PDE7B: variants seen among roughly 807,000 people sequenced by gnomAD.
PDE7B encodes phosphodiesterase 7B.
Under a neutral mutation model 56.2 loss-of-function variants are expected in PDE7B, and 29 were observed. That is an observed-to-expected ratio of 0.52 (90% confidence interval 0.38 to 0.70). The LOEUF (loss-of-function observed/expected upper bound fraction) is 0.70. Ranked by LOEUF, PDE7B falls within the 30% of genes least tolerant of loss-of-function variation. The pLI, the probability that PDE7B is intolerant of heterozygous loss-of-function variation, is 0.00. For missense variants in PDE7B, 490 were observed against 565.0 expected (o/e 0.87, Z 1.35); for synonymous variants, 197 against 196.9 (o/e 1.00, Z 0.00).
Position 136,192,313 on chromosome 6 carries a change from G to A in PDE7B, c.*473G>A, listed in dbSNP as rs1162858284. On this transcript the variant is annotated 3_prime_UTR_variant, in exon 13 of 13. Coordinates refer to ENST00000308191, the MANE Select transcript of PDE7B (RefSeq NM_018945.4). ...AGCACAAATGAGAGTGTGAGAGAAA[G>A]TACCTTCTATTTTAATAATAATATT... 6.6e-6 allele frequency: 1 copy of A among 152,454 alleles called. No individual in the cohort carries two copies. The highest frequency in any genetic ancestry group is 1.9e-4 in the East Asian group (1 of 5,194). 9.4% of individuals were successfully genotyped at this position (152,454 alleles called of 1,614,324 possible).
At chr6:136,138,425 T>TA (rs1474045809) in intron 3 of PDE7B, among the ~76,000 whole-genome samples, 6 of 152,142 alleles carry the variant, frequency 3.9e-5, no homozygotes, top group African/African-American at 1.4e-4. Context: ...CTTCAGCTTC[T>TA]TATATCTTCG....
chr6:135,973,391 T>C (rs1007904614), intron 2 of PDE7B, among the ~76,000 whole-genome samples: 1 of 151,164 alleles, frequency 6.6e-6, no homozygotes, highest in Admixed American at 6.6e-5. Flanking sequence ...GGATCTTAGG[T>C]TGTTTCCATA....
At chr6:135,935,629 G>T (rs897681070) in intron 1 of PDE7B, among the ~76,000 whole-genome samples, 1 of 152,174 alleles carries the variant, frequency 6.6e-6, no homozygotes, top group Non-Finnish European at 1.5e-5. Context: ...CCTTCAGGAA[G>T]TGAGGGAGAA....
At chr6:136,061,406 A>G (rs1048864377) in intron 2 of PDE7B, among the ~76,000 whole-genome samples, 1 of 152,246 alleles carries the variant, frequency 6.6e-6, no homozygotes, top group African/African-American at 2.4e-5. Flanking sequence ...GAATCAAAGA[A>G]ATTTGGCACA....
intron 1 of PDE7B, among the ~76,000 whole-genome samples, chr6:135,915,515 G>A (rs1018625904): frequency 6.6e-6 from 1 of 152,118 alleles, no homozygotes; most frequent in South Asian, 2.1e-4. Context: ...CTCATTGTGG[G>A]TTTAATTTGC....
chr6:136,193,889 G>A lies in PDE7B; in HGVS notation c.*2049G>A, dbSNP rs1779270039. ...TATCAGATGGTGCTAAAGAAAGTGT[G>A]AAGATCTTATGAAATAGGTGGATGG... On this transcript the variant is annotated 3_prime_UTR_variant, in exon 13 of 13. Transcript: ENST00000308191. 1 of 152,204 alleles carries A rather than the reference G, an allele frequency of 6.6e-6. No individual in the cohort carries two copies. The highest frequency in any genetic ancestry group is 2.1e-4 in the South Asian group (1 of 4,830). The allele number at this position is 152,204 out of a possible 1,614,324, so 9.4% of individuals were successfully genotyped here.
At chr6:136,000,461 T>G (rs1775645674) in intron 2 of PDE7B, among the ~76,000 whole-genome samples, 1 of 152,250 alleles carries the variant, frequency 6.6e-6, no homozygotes, top group African/African-American at 2.4e-5. Flanking sequence ...TTTAATCTTC[T>G]GCACATGGCT....
chr6:136,153,315 T>C (rs1340651420), intron 6 of PDE7B, among the ~76,000 whole-genome samples: 1 of 152,222 alleles, frequency 6.6e-6, no homozygotes, highest in Non-Finnish European at 1.5e-5. Flanking sequence ...GCTGAGAGAA[T>C]CTGGCCACAC....
chr6:135,862,838 C>T (rs1029745940), intron 1 of PDE7B, among the ~76,000 whole-genome samples: 2 of 151,818 alleles, frequency 1.3e-5, no homozygotes, highest in Non-Finnish European at 3.0e-5. Context: ...ACAGTTTCAG[C>T]TGTCTCCCCT....
At chr6:135,961,281 ATGTGTGTGTGTG>A (rs771473679) in intron 2 of PDE7B, among the ~76,000 whole-genome samples, 2 of 89,412 alleles carry the variant, frequency 2.2e-5, no homozygotes, top group African/African-American at 3.1e-5. Flanking sequence ...GTGTGTGTGT[ATGTGTGTGTGTG>A]TGTGTGTGTG....
At chr6:135,954,203 G>A (rs1562451194) in intron 2 of PDE7B, among the ~76,000 whole-genome samples, 1 of 152,162 alleles carries the variant, frequency 6.6e-6, no homozygotes, top group Non-Finnish European at 1.5e-5. Context: ...CACGCAGAAT[G>A]TGATTATCAC....
chr6:136,053,099 T>G (rs887673480), intron 2 of PDE7B, among the ~76,000 whole-genome samples: 20 of 152,182 alleles, frequency 1.3e-4, no homozygotes, highest in Admixed American at 9.2e-4. Flanking sequence ...AGGGTACATG[T>G]GCACAATGTG....
At position 135,914,485 on chromosome 6, in the gene PDE7B, C is replaced by CTTTTTTTTTTTTTTTTTTT. The variant is rs759938662; in HGVS notation, c.22-32971_22-32953dup. ...CTGGCTTATTTCCCTTTTTATAATGCTTTTTTTTTTTTTTTTTTTTTTTTT... is the reference window on the plus strand; with the variant it reads ...CTGGCTTATTTCCCTTTTTATAATGCTTTTTTTTTTTTTTTTTTTTTTTTTTTTTTTTTTTTTTTTTTTT... On this transcript the variant is annotated intron_variant, in intron 1 of 12. Transcript: ENST00000308191. Among the ~76,000 whole-genome samples the CTTTTTTTTTTTTTTTTTTT allele has an allele frequency of 4.8e-5, 2 of 41,914 alleles. 1 individual carries two copies. Among genetic ancestry groups the CTTTTTTTTTTTTTTTTTTT allele is most frequent in the African/African-American group, 2.9e-4 (2 of 6,944 alleles). 27.5% of individuals were successfully genotyped at this position (41,914 alleles called of 152,430 possible).
At chr6:135,991,421 TCAA>T (rs2128205224) in intron 2 of PDE7B, among the ~76,000 whole-genome samples, 1 of 151,524 alleles carries the variant, frequency 6.6e-6, no homozygotes, top group East Asian at 1.9e-4. Context: ...ACAATTTTTG[TCAA>T]TTAAAATAAA....
At chr6:136,090,582 T>G (rs2128216044) in intron 2 of PDE7B, among the ~76,000 whole-genome samples, 1 of 152,356 alleles carries the variant, frequency 6.6e-6, no homozygotes. Flanking sequence ...ATTTTTGTTA[T>G]TTTGCTTTGA....
intron 2 of PDE7B, among the ~76,000 whole-genome samples, chr6:136,100,697 T>G (rs1777546155): frequency 6.6e-6 from 1 of 152,172 alleles, no homozygotes; most frequent in Non-Finnish European, 1.5e-5. Flanking sequence ...CTAAATATGC[T>G]ATCATGTCAT....
At chr6:135,919,372 G>A (rs1421634482) in intron 1 of PDE7B, among the ~76,000 whole-genome samples, 4 of 152,182 alleles carry the variant, frequency 2.6e-5, no homozygotes. Context: ...GGCTTATTAT[G>A]ACTTCTTGAA....
At chr6:136,155,602 A>G (rs1330076424) in intron 7 of PDE7B, 25 bp from the exon 8 acceptor site, 1 of 1,587,674 alleles carries the variant, frequency 6.3e-7, no homozygotes, top group African/African-American at 1.3e-5. Flanking sequence ...ACACCAATCA[A>G]TCTCCCAATT....
chr6:135,906,938 G>C (rs1264756176), intron 1 of PDE7B, among the ~76,000 whole-genome samples: 1 of 149,976 alleles, frequency 6.7e-6, no homozygotes, highest in Non-Finnish European at 1.5e-5. Context: ...ATAGTTGGTA[G>C]GGTAACCAAA....
Sources: gnomAD v4.1 joint callset for allele counts (sites outside exome capture counted in the v4.1 genomes callset) on GRCh38, gnomAD v4.1.1 for gene constraint, MANE v1.5 for transcripts, NCBI Gene and HGNC (gene_info 2026-07-23, HGNC 2026-07-21) for gene names.